FXYD7: variants seen among roughly 807,000 people sequenced by gnomAD.
FXYD7 encodes FXYD domain containing ion transport regulator 7, also known as FXYD domain-containing ion transport regulator 7.
In FXYD7, 7 loss-of-function variants were observed where a neutral mutation model predicts 15.3. The ratio of observed to expected loss-of-function variants is 0.46; its 90% CI spans 0.26 to 0.86. The LOEUF is 0.86. FXYD7 is among the 40% of genes least tolerant of loss of function. The pLI, the probability that FXYD7 is intolerant of heterozygous loss-of-function variation, is 0.16. For missense variants in FXYD7, 78 were observed against 100.6 expected, an observed-to-expected ratio of 0.78 and a Z score of 0.96; for synonymous variants, 39 against 39.3, an observed-to-expected ratio of 0.99 and a Z score of 0.03.
chr19:35,151,133 A>G, intron 2 of FXYD7, 121 bp from the exon 3 acceptor site: 1 of 764,272 alleles, frequency 1.3e-6, no homozygotes, highest in East Asian at 2.4e-5. Flanking sequence ...AGTGTCCAGC[A>G]CAGTCCACAG....
rs755307907 is a variant in FXYD7, at chr19:35,151,680, G to T, written c.220+7G>T. The T allele has an allele frequency of 1.9e-6, 3 of 1,604,052 alleles. No homozygotes were observed. The highest frequency in any genetic ancestry group is 8.5e-7 in the Non-Finnish European group (1 of 1,172,596). On this transcript the variant is annotated splice_region_variant and intron_variant, in intron 5 of 5. Coordinates refer to ENST00000270310, the MANE Select transcript of FXYD7 (RefSeq NM_022006.2). ...TCTGAGCTTCCCTCTTCAGGTGAGG[G>T]TGAGAAACTGTGTGGTTCTGGGAGA...
chr19:35,148,578 T>C, intron 1 of FXYD7, 116 bp from the exon 2 acceptor site: 2 of 866,918 alleles, frequency 2.3e-6, no homozygotes, highest in Non-Finnish European at 3.4e-6. Flanking sequence ...GGTCTCTATC[T>C]GACTTCCACA....
At position 35,143,295 on chromosome 19, in the gene FXYD7, G is replaced by A. The variant is rs375297127; in HGVS notation, c.-39G>A. On this transcript the variant is annotated 5_prime_UTR_variant, in exon 1 of 6. Transcript: ENST00000270310. The surrounding 1 kb of genome is among the most constrained non-coding windows in gnomAD (Gnocchi z 4.3). ...CTTCCAGCTGCTGCAGCGCGCCTTC[G>A]CCGCCAAAGCATCCAGCAGCCCCCT... 6.5e-5 allele frequency: 99 copies of A among 1,530,590 alleles called. No homozygotes were observed. In the East Asian group the frequency reaches 1.1e-3, roughly 17 times the overall value. 94.8% of individuals were successfully genotyped at this position (1,530,590 alleles called of 1,614,324 possible).
At chr19:35,152,721 G>A (rs1190282855) in intron 5 of FXYD7, among the ~76,000 whole-genome samples, 1 of 151,776 alleles carries the variant, frequency 6.6e-6, no homozygotes, top group Non-Finnish European at 1.5e-5. Context: ...AGGGCGTGGA[G>A]GGTGGAGGAG....
chr19:35,148,839 G>C (rs772819672), intron 2 of FXYD7, 116 bp downstream of exon 2: 5 of 915,276 alleles, frequency 5.5e-6, no homozygotes, highest in Non-Finnish European at 9.1e-6. Flanking sequence ...CACTGGCCAC[G>C]GGACCATATA....
At chr19:35,153,609 A>G (rs79649345) in intron 5 of FXYD7, among the ~76,000 whole-genome samples, 3,107 of 152,186 alleles carry the variant, frequency 0.02, 94 homozygotes, top group African/African-American at 0.068. Flanking sequence ...GGGAAGGGAG[A>G]TGGGGACTCC....
intron 2 of FXYD7, among the ~76,000 whole-genome samples, chr19:35,150,578 CCA>C (rs2065306185): frequency 6.6e-6 from 1 of 152,038 alleles, no homozygotes; most frequent in Non-Finnish European, 1.5e-5. Context: ...AGGGAAGGAG[CCA>C]CGTGGATATT....
chr19:35,152,284 G>C (rs1299714188), intron 5 of FXYD7, among the ~76,000 whole-genome samples: 1 of 151,764 alleles, frequency 6.6e-6, no homozygotes, highest in Non-Finnish European at 1.5e-5. Flanking sequence ...AAATGCTCAA[G>C]CCTATAAAAG....
intron 1 of FXYD7, 82 bp from the exon 2 acceptor site, chr19:35,148,612 C>G: frequency 2.5e-6 from 3 of 1,180,068 alleles, no homozygotes; most frequent in Non-Finnish European, 3.5e-6. Context: ...GCCAGTGGCT[C>G]CATCTGGATC....
chr19:35,152,940 TA>T lies in FXYD7; in HGVS notation c.221-928del, dbSNP rs534802680. On this transcript the variant is annotated intron_variant, in intron 5 of 5. Coordinates refer to ENST00000270310, the MANE Select transcript of FXYD7 (RefSeq NM_022006.2). Reference sequence around the variant, plus strand: ...GTGTCTCTTATAAAGTTCTTATAACTAAAAAAAAAAAAAAAAAAAAAAAAAA... The same window carrying T: ...GTGTCTCTTATAAAGTTCTTATAACTAAAAAAAAAAAAAAAAAAAAAAAAA... Among the ~76,000 whole-genome samples, 162 of 105,884 alleles carry T rather than the reference TA, an allele frequency of 1.5e-3. 1 individual carries two copies. The highest frequency in any genetic ancestry group is 4.8e-3 in the African/African-American group (144 of 29,832). 69.5% of individuals were successfully genotyped at this position (105,884 alleles called of 152,430 possible). A position where few individuals can be genotyped will look rare whatever the true frequency, so the allele number is the denominator to read the frequency against.
In FXYD7 at chr19:35,151,396, C is replaced by A. The variant is rs773969139; in HGVS notation, c.137-44C>A. 3.1e-6 allele frequency: 5 copies of A among 1,609,226 alleles called. No homozygotes were observed. In the South Asian group the frequency reaches 5.5e-5, roughly 18 times the overall value. ...TCTGCTGGCTTTCATCCATATCCTA[C>A]CCGCTATGTCCTGTCTTCTTGTTCT... On this transcript the variant is annotated intron_variant, in intron 3 of 5. Coordinates refer to ENST00000270310, the MANE Select transcript of FXYD7 (RefSeq NM_022006.2).
intron 5 of FXYD7, among the ~76,000 whole-genome samples, chr19:35,153,421 A>G (rs2145401914): frequency 6.6e-6 from 1 of 152,322 alleles, no homozygotes; most frequent in Non-Finnish European, 1.5e-5. Context: ...TGCGTGGGGC[A>G]GCATGGGGGT....
chr19:35,153,874 C>T lies in FXYD7; in HGVS notation c.221-20C>T. 1.9e-6 allele frequency: 3 copies of T among 1,612,238 alleles called. No individual in the cohort carries two copies. The highest frequency in any genetic ancestry group is 2.5e-6 in the Non-Finnish European group (3 of 1,178,662). On this transcript the variant is annotated intron_variant, in intron 5 of 5. Transcript: ENST00000270310. ...CAGTTTCCACCTTTCTAGTGGCTCACGCACCCCCTCTCTCCCCAGCCCCTG... is the reference window on the plus strand; with the variant it reads ...CAGTTTCCACCTTTCTAGTGGCTCATGCACCCCCTCTCTCCCCAGCCCCTG...
chr19:35,151,060 G>A (rs2065307888), intron 2 of FXYD7, among the ~76,000 whole-genome samples, 194 bp from the exon 3 acceptor site: 1 of 151,964 alleles, frequency 6.6e-6, no homozygotes, highest in Non-Finnish European at 1.5e-5. Flanking sequence ...AGGGTACAGA[G>A]GGCAAGGGGA....
At chr19:35,153,114 C>G (rs1029307564) in intron 5 of FXYD7, among the ~76,000 whole-genome samples, 6 of 132,782 alleles carry the variant, frequency 4.5e-5, no homozygotes, top group Non-Finnish European at 9.2e-5. Flanking sequence ...TGCAGTGGCA[C>G]GATCTCAGCT....
chr19:35,148,085 AAGAAAGAAAGAG>A (rs1302221874), intron 1 of FXYD7, among the ~76,000 whole-genome samples: 77 of 119,452 alleles, frequency 6.4e-4, no homozygotes, highest in African/African-American at 1.9e-3. Context: ...GAAAGAAAGA[AAGAAAGAAAGAG>A]AGAGAGAAAG....
intron 5 of FXYD7, 139 bp from the exon 6 acceptor site, chr19:35,153,755 C>T (rs538153361): frequency 6.8e-6 from 5 of 734,266 alleles, no homozygotes; most frequent in African/African-American, 3.5e-5. Context: ...GGAGGCAAGA[C>T]AGCTCCTCAG....
At chr19:35,149,097 T>C (rs904151691) in intron 2 of FXYD7, 1 of 472,626 alleles carries the variant, frequency 2.1e-6, no homozygotes, top group African/African-American at 2.0e-5. Flanking sequence ...TTTGCCTCTC[T>C]GGGCCCTTCT....
At chr19:35,145,357 CA>C (rs2065285721) in intron 1 of FXYD7, among the ~76,000 whole-genome samples, 1 of 152,240 alleles carries the variant, frequency 6.6e-6, no homozygotes, top group Admixed American at 6.5e-5. Flanking sequence ...GCCGGGGCAG[CA>C]GGGACCAGAG....
Sources: allele counts gnomAD v4.1 joint callset (sites outside exome capture counted in the v4.1 genomes callset), GRCh38; gene constraint gnomAD v4.1.1; non-coding constraint Gnocchi (gnomAD v3.1); transcripts MANE v1.5; gene names NCBI Gene and HGNC (gene_info 2026-07-23, HGNC 2026-07-21).